Variants in ZDHHC8 observed in about 807,000 individuals in gnomAD.
ZDHHC8 encodes the protein zDHHC palmitoyltransferase 8.
ZDHHC8 carries 24 observed loss-of-function variants against 61.2 expected under a neutral mutation model. The observed-to-expected ratio is 0.39, with a 90% CI of 0.28 to 0.55. ZDHHC8 has a LOEUF of 0.55. ZDHHC8 is among the 20% of genes least tolerant of loss of function. ZDHHC8 has a pLI of 0.60. For synonymous variants in ZDHHC8, 523 were observed against 492.5 expected (o/e 1.06, Z -0.82); for missense variants, 935 against 1,102.1 (o/e 0.85, Z 2.15).
At position 20,141,448 on chromosome 22, in the gene ZDHHC8, G is replaced by A; in HGVS notation, c.1043G>A (p.Ser348Asn). Residue 348 changes from serine to asparagine, a missense_variant, in exon 9 of 11, where the codon AGC becomes AAC. Ser to Asn is a conservative substitution (Grantham distance 46). Coordinates refer to ENST00000334554, the MANE Select transcript of ZDHHC8 (RefSeq NM_013373.4). ...AGTGCCCTGTCGGTGCAGAGGACCAGCCCCCCGACACCTGCCATGTACAAG... is the reference window on the plus strand; with the variant it reads ...AGTGCCCTGTCGGTGCAGAGGACCAACCCCCCGACACCTGCCATGTACAAG... ...AESALSVQRTSPPTPAMYKFR... is the reference protein window; with the variant it reads ...AESALSVQRTNPPTPAMYKFR... The A allele has an allele frequency of 1.2e-6, 2 of 1,613,312 alleles. No homozygotes were observed. The highest frequency in any genetic ancestry group is 2.2e-5 in the East Asian group (1 of 44,882).
chr22:20,135,308 A>T (rs995439476), intron 1 of ZDHHC8, among the ~76,000 whole-genome samples: 2 of 152,144 alleles, frequency 1.3e-5, no homozygotes, highest in Non-Finnish European at 2.9e-5. Context: ...ACCATGGTAT[A>T]ATGCTAGGCT....
intron 1 of ZDHHC8, among the ~76,000 whole-genome samples, chr22:20,137,380 G>A (rs905348478): frequency 1.3e-5 from 2 of 152,248 alleles, no homozygotes; most frequent in African/African-American, 4.8e-5. Flanking sequence ...CCAGGAGGCA[G>A]GCTGGCAGCC....
Position 20,139,860 on chromosome 22 carries a change from TGA to T in ZDHHC8, c.527_528del (p.Glu176GlyfsTer70). The T allele has an allele frequency of 6.4e-7, 1 of 1,569,260 alleles. No homozygotes were observed. The highest frequency in any genetic ancestry group is 8.7e-7 in the Non-Finnish European group (1 of 1,154,242). On this transcript the variant is annotated frameshift_variant, in exon 4 of 11. Coordinates refer to ENST00000334554, the MANE Select transcript of ZDHHC8 (RefSeq NM_013373.4). LOFTEE classifies it high-confidence loss of function. ...FGLVYVLNHA[E>X]GLGAAHTTIT... ...GCCTGGTCTACGTGCTGAACCACGC[TGA>T]GGGGCTGGGAGCCGCGCACACCACC... is the stretch of plus-strand genomic sequence containing the variant.
rs1453203944 is a variant in ZDHHC8, at chr22:20,146,115, G to C, written c.*715G>C. On this transcript the variant is annotated 3_prime_UTR_variant, in exon 11 of 11. Coordinates refer to ENST00000334554, the MANE Select transcript of ZDHHC8 (RefSeq NM_013373.4). The stretch of plus-strand genomic sequence containing the variant: ...CCCTTTCATCAAAGCCTTAACCTTT[G>C]CTTTATGCTCTTGTGGGAGGCGACG... 6.1e-6 allele frequency: 6 copies of C among 985,792 alleles called. No individual in the cohort carries two copies. The highest frequency in any genetic ancestry group is 7.2e-6 in the Non-Finnish European group (6 of 829,986). 61.1% of individuals were successfully genotyped at this position (985,792 alleles called of 1,614,324 possible). A position where few individuals can be genotyped will look rare whatever the true frequency, so the allele number is the denominator to read the frequency against.
chr22:20,138,738 A>G (rs1409277060), intron 1 of ZDHHC8, among the ~76,000 whole-genome samples: 4 of 152,188 alleles, frequency 2.6e-5, no homozygotes, highest in Non-Finnish European at 4.4e-5. Context: ...CTTACTGACC[A>G]AGGACTGGGG....
chr22:20,140,476 G>T, intron 5 of ZDHHC8, 141 bp from the exon 6 acceptor site: 1 of 940,604 alleles, frequency 1.1e-6, no homozygotes, highest in Non-Finnish European at 1.5e-6. Flanking sequence ...CCTATGTGAG[G>T]GGCAGCCCTG....
intron 1 of ZDHHC8, among the ~76,000 whole-genome samples, chr22:20,132,730 C>A (rs1014254365): frequency 6.6e-6 from 1 of 152,374 alleles, no homozygotes; most frequent in African/African-American, 2.4e-5. Flanking sequence ...TGAGAGCCCG[C>A]GCCTGCAGGA....
chr22:20,134,043 C>T (rs1003451724), intron 1 of ZDHHC8, among the ~76,000 whole-genome samples: 1 of 152,244 alleles, frequency 6.6e-6, no homozygotes, highest in Admixed American at 6.5e-5. Flanking sequence ...GTTTCGGCGA[C>T]ACCAGCAGTC....
intron 10 of ZDHHC8, among the ~76,000 whole-genome samples, chr22:20,144,262 C>G (rs2050502118): frequency 6.6e-6 from 1 of 152,120 alleles, no homozygotes; most frequent in Non-Finnish European, 1.5e-5. Context: ...GGACATAGTT[C>G]TAGGAAGCAG....
Position 20,145,481 on chromosome 22 carries a change from G to GC in ZDHHC8, c.*85dup. 7.4e-7 allele frequency: 1 copy of GC among 1,342,420 alleles called. No individual in the cohort carries two copies. The highest frequency in any genetic ancestry group is 1.8e-5 in the South Asian group (1 of 54,598). 83.2% of individuals were successfully genotyped at this position (1,342,420 alleles called of 1,614,324 possible). On this transcript the variant is annotated 3_prime_UTR_variant, in exon 11 of 11. Transcript: ENST00000334554. ...ACCCCCCCTCCCCACCAACTTCTCTGCCCCAGGGACCCGAGGCCACCCCAG... is the reference window on the plus strand; with the variant it reads ...ACCCCCCCTCCCCACCAACTTCTCTGCCCCCAGGGACCCGAGGCCACCCCAG...
At chr22:20,141,390 A>C in intron 8 of ZDHHC8, 31 bp from the exon 9 acceptor site, 1 of 1,612,128 alleles carries the variant, frequency 6.2e-7, no homozygotes, top group Non-Finnish European at 8.5e-7. Context: ...CCCTCCTCTG[A>C]CCTCAGTCTG....
Position 20,142,931 on chromosome 22 carries a change from G to A in ZDHHC8, c.1301G>A (p.Ser434Asn), listed in dbSNP as rs368329604. Residue 434 changes from serine to asparagine, a missense_variant, in exon 10 of 11, where the codon AGC becomes AAC. By Grantham distance (46) the Ser-to-Asn change is conservative. This residue lies in a region of ZDHHC8 where 692 missense variants were observed against 731.4 expected (regional missense o/e 0.95). Coordinates refer to ENST00000334554, the MANE Select transcript of ZDHHC8 (RefSeq NM_013373.4). ...DAFSGALRSL[S>N]LKASSRRGGD... ...TTCTCGGGCGCTTTGCGCTCCCTGA[G>A]CCTCAAGGCCTCGAGCCGGCGGGGC... 5.0e-6 allele frequency: 8 copies of A among 1,604,048 alleles called. No individual in the cohort carries two copies. Among genetic ancestry groups the A allele is most frequent in the African/African-American group, 1.3e-5 (1 of 74,708 alleles).
Position 20,147,102 on chromosome 22 carries a change from T to G in ZDHHC8, c.*1702T>G, listed in dbSNP as rs945825488. On this transcript the variant is annotated 3_prime_UTR_variant, in exon 11 of 11. Coordinates refer to ENST00000334554, the MANE Select transcript of ZDHHC8 (RefSeq NM_013373.4). ...CTCCTGGGCTGCACCTGTGCCACCT[T>G]GGCCGCCCGGAGGACCGCCCACCAC... The G allele has an allele frequency of 2.0e-6, 3 of 1,531,938 alleles. No individual in the cohort carries two copies. The highest frequency in any genetic ancestry group is 2.4e-5 in the South Asian group (2 of 82,630). The allele number at this position is 1,531,938 out of a possible 1,614,324, so 94.9% of individuals were successfully genotyped here. A position where few individuals can be genotyped will look rare whatever the true frequency, so the allele number is the denominator to read the frequency against.
rs1555886048 is a variant in ZDHHC8, at chr22:20,147,573, T to TGG, written c.*2182_*2183dup. 9.4e-3 allele frequency: 1,129 copies of TGG among 119,782 alleles called. 13 individuals carry two copies. The highest frequency in any genetic ancestry group is 0.065 in the East Asian group (241 of 3,696). The allele number at this position is 119,782 out of a possible 1,614,324, so 7.4% of individuals were successfully genotyped here. On this transcript the variant is annotated 3_prime_UTR_variant, in exon 11 of 11. Coordinates refer to ENST00000334554, the MANE Select transcript of ZDHHC8 (RefSeq NM_013373.4). ...CCAGGCCTCCGTGGGTTGGGCTGGG[T>TGG]GGGGGGGGGGTCTCAGGTTGCCCCT...
chr22:20,137,943 T>C (rs914018644), intron 1 of ZDHHC8, among the ~76,000 whole-genome samples: 5 of 152,232 alleles, frequency 3.3e-5, no homozygotes, highest in Non-Finnish European at 5.9e-5. Flanking sequence ...GGCTGGGCCC[T>C]GGACAAGAGG....
chr22:20,139,139 C>T, intron 1 of ZDHHC8, 55 bp from the exon 2 acceptor site: 2 of 1,581,078 alleles, frequency 1.3e-6, no homozygotes, highest in Non-Finnish European at 8.6e-7. Context: ...AGCTCTGCGC[C>T]TGCATCCGCT....
chr22:20,133,721 C>CA (rs34467871), intron 1 of ZDHHC8, among the ~76,000 whole-genome samples: 2,503 of 72,364 alleles, frequency 0.035, 83 homozygotes, highest in African/African-American at 0.081. Flanking sequence ...GACTCTGTCT[C>CA]AAAAAAAAAA....
Position 20,143,466 on chromosome 22 carries a change from T to A in ZDHHC8, c.1836T>A (p.Ala612=). 1 of 1,600,440 alleles carries A rather than the reference T, an allele frequency of 6.2e-7. No individual in the cohort carries two copies. The highest frequency in any genetic ancestry group is 8.5e-7 in the Non-Finnish European group (1 of 1,179,364). Residue 612 remains alanine (A), a synonymous_variant, in exon 10 of 11, where the codon GCT becomes GCA. Coordinates refer to ENST00000334554, the MANE Select transcript of ZDHHC8 (RefSeq NM_013373.4). ...ATGGCTCCAGAGACGACCTTGTGGC[T>A]GGGCCCGGCTTCGGTGGCGCCCGCA... The part of the protein sequence containing the change: ...LRYGSRDDLV[A]GPGFGGARNP...
rs763521829 is a variant in ZDHHC8 at position 20,139,157 on chromosome 22, C to A, written c.105-37C>A. The A allele has an allele frequency of 3.1e-6, 5 of 1,601,804 alleles. No individual in the cohort carries two copies. The South Asian group carries it at 5.6e-5, about 18-fold the overall frequency. Reference sequence around the variant, plus strand: ...TCTGCGCCTGCATCCGCTCTGCACCCCCAGACTCCACTCTCTGCCCCCACT... The same window carrying A: ...TCTGCGCCTGCATCCGCTCTGCACCACCAGACTCCACTCTCTGCCCCCACT... On this transcript the variant is annotated intron_variant, in intron 1 of 10. Coordinates refer to ENST00000334554, the MANE Select transcript of ZDHHC8 (RefSeq NM_013373.4).
Sources: gnomAD v4.1 joint callset for allele counts (sites outside exome capture counted in the v4.1 genomes callset) on GRCh38, gnomAD v4.1.1 for gene constraint, gnomAD v4.1.1 regional missense constraint, MANE v1.5 for transcripts, NCBI Gene and HGNC (gene_info 2026-07-23, HGNC 2026-07-21) for gene names.